Variants in CABLES1 observed in about 807,000 individuals in gnomAD.
CABLES1 encodes CDK5 and ABL1 enzyme substrate 1.
Under a neutral mutation model 57.8 loss-of-function variants are expected in CABLES1, and 36 were observed. The observed-to-expected ratio is 0.62, with a 90% confidence interval of 0.48 to 0.82. The LOEUF is 0.82. Among genes scored for constraint, CABLES1 ranks in the 40% least tolerant of loss-of-function variants. The pLI is 0.00. For missense variants in CABLES1, 767 were observed against 836.6 expected, an observed-to-expected ratio of 0.92 and a Z score of 1.03; for synonymous variants, 374 against 363.0, an observed-to-expected ratio of 1.03 and a Z score of -0.35.
chr18:23,150,438 A>C (rs2046921321), intron 1 of CABLES1, among the ~76,000 whole-genome samples: 1 of 151,854 alleles, frequency 6.6e-6, no homozygotes, highest in South Asian at 2.1e-4. Flanking sequence ...GGATGGTCTC[A>C]ATCTCCTGAC....
intron 3 of CABLES1, among the ~76,000 whole-genome samples, chr18:23,208,776 C>CG (rs1568068377): frequency 6.6e-6 from 1 of 152,158 alleles, no homozygotes; most frequent in African/African-American, 2.4e-5. Context: ...ACTGGAAGCG[C>CG]GGGGGCCATG....
At chr18:23,211,252 G>A (rs984152714) in intron 3 of CABLES1, among the ~76,000 whole-genome samples, 2 of 152,202 alleles carry the variant, frequency 1.3e-5, no homozygotes, top group African/African-American at 4.8e-5. Flanking sequence ...CTTAGCATGA[G>A]TAGTGAGGAA....
At chr18:23,220,408 G>T (rs2047478203) in intron 4 of CABLES1, among the ~76,000 whole-genome samples, 2 of 152,102 alleles carry the variant, frequency 1.3e-5, no homozygotes, top group South Asian at 4.1e-4. Flanking sequence ...TTTACTTGAG[G>T]CTAGGGGCTG....
chr18:23,232,999 C>T (rs1006472220), intron 4 of CABLES1, among the ~76,000 whole-genome samples: 2 of 152,110 alleles, frequency 1.3e-5, no homozygotes, highest in African/African-American at 4.8e-5. Context: ...GCCTTATATT[C>T]GTTCTTGCAT....
intron 1 of CABLES1, among the ~76,000 whole-genome samples, chr18:23,157,045 G>A (rs567062048): frequency 6.6e-6 from 1 of 152,232 alleles, no homozygotes; most frequent in African/African-American, 2.4e-5. Context: ...TCATGTCAGC[G>A]AAATAACCAT....
chr18:23,134,901 T>C (rs1207381743), upstream of CABLES1, among the ~76,000 whole-genome samples: 2 of 152,114 alleles, frequency 1.3e-5, no homozygotes, highest in Non-Finnish European at 2.9e-5. Context: ...TGGGAATGAA[T>C]AGACCCAACT....
chr18:23,220,633 G>A (rs1240682134), intron 4 of CABLES1, among the ~76,000 whole-genome samples: 1 of 152,178 alleles, frequency 6.6e-6, no homozygotes, highest in Non-Finnish European at 1.5e-5. Flanking sequence ...GGCAGCACTG[G>A]CTGACTGGTA....
chr18:23,228,182 A>G (rs148179935), intron 4 of CABLES1, among the ~76,000 whole-genome samples: 3 of 152,286 alleles, frequency 2.0e-5, no homozygotes, highest in African/African-American at 4.8e-5. Flanking sequence ...ACTTCTTGTT[A>G]TCTAATAGGG....
chr18:23,179,226 C>T (rs1395036596), intron 1 of CABLES1, among the ~76,000 whole-genome samples: 1 of 152,112 alleles, frequency 6.6e-6, no homozygotes, highest in Non-Finnish European at 1.5e-5. Context: ...GCAGAGGTTG[C>T]AGTGAGCCGA....
intron 4 of CABLES1, among the ~76,000 whole-genome samples, chr18:23,230,188 T>C (rs972718928): frequency 1.3e-5 from 2 of 152,172 alleles, no homozygotes; most frequent in South Asian, 2.1e-4. Context: ...CTGGCTAATA[T>C]GGTGAAACCC....
intron 4 of CABLES1, chr18:23,227,147 C>G (rs1028411833): frequency 5.3e-5 from 8 of 152,158 alleles, no homozygotes; most frequent in African/African-American, 1.9e-4. Context: ...GGGTCCATTT[C>G]CTGAGTGTTG....
chr18:23,244,935 TGAA>T (rs1221454614), intron 7 of CABLES1, among the ~76,000 whole-genome samples: 1 of 152,194 alleles, frequency 6.6e-6, no homozygotes, highest in Non-Finnish European at 1.5e-5. Context: ...AAGTAGGAAA[TGAA>T]GGAGGCCGGA....
intron 4 of CABLES1, among the ~76,000 whole-genome samples, chr18:23,217,799 T>C (rs1314753881): frequency 1.3e-5 from 2 of 152,272 alleles, no homozygotes; most frequent in African/African-American, 4.8e-5. Flanking sequence ...TCCTTTACTT[T>C]TACGCTGAAG....
chr18:23,251,686 C>T (rs910727998), intron 7 of CABLES1, among the ~76,000 whole-genome samples: 2 of 152,154 alleles, frequency 1.3e-5, no homozygotes, highest in East Asian at 3.8e-4. Context: ...GAGGAGGAAA[C>T]TCAAGTTTCC....
At chr18:23,150,959 A>G (rs1465237000) in intron 1 of CABLES1, among the ~76,000 whole-genome samples, 3 of 151,198 alleles carry the variant, frequency 2.0e-5, no homozygotes. Flanking sequence ...TCATAACGCT[A>G]AGAGCTCTCA....
At chr18:23,170,793 T>C (rs955922936) in intron 1 of CABLES1, among the ~76,000 whole-genome samples, 6 of 151,954 alleles carry the variant, frequency 3.9e-5, no homozygotes, top group Non-Finnish European at 4.4e-5. Context: ...GTTGTTTTTT[T>C]GTTGTTTTTG....
At chr18:23,234,769 G>T (rs983789389) in intron 5 of CABLES1, 65 bp downstream of exon 5, 14 of 1,315,546 alleles carry the variant, frequency 1.1e-5, no homozygotes, top group African/African-American at 5.8e-5. Flanking sequence ...AAGCAGAGGA[G>T]GGGGGCAGCC....
intron 4 of CABLES1, among the ~76,000 whole-genome samples, chr18:23,215,614 AT>A (rs2047435882): frequency 6.6e-6 from 1 of 152,054 alleles, no homozygotes; most frequent in Non-Finnish European, 1.5e-5. Flanking sequence ...TCATTCATTC[AT>A]TTATTGAGTG....
chr18:23,213,627 A>T (rs138632011), intron 3 of CABLES1, among the ~76,000 whole-genome samples: 1 of 152,344 alleles, frequency 6.6e-6, no homozygotes, highest in African/African-American at 2.4e-5. Context: ...TAAATGTGGC[A>T]TGACTGCTCA....
Sources: gnomAD v4.1 joint callset for allele counts (sites outside exome capture counted in the v4.1 genomes callset) on GRCh38, gnomAD v4.1.1 for gene constraint, MANE v1.5 for transcripts, NCBI Gene and HGNC (gene_info 2026-07-23, HGNC 2026-07-21) for gene names.